CHRNA7: variants seen among roughly 807,000 people sequenced by gnomAD.
CHRNA7 encodes neuronal acetylcholine receptor subunit alpha-7.
A neutral mutation model predicts 48.0 loss-of-function variants in CHRNA7; 17 were observed. That is an observed-to-expected ratio of 0.35 (90% CI 0.24 to 0.53). CHRNA7 has a LOEUF of 0.53. Ranked by LOEUF, CHRNA7 falls within the 20% of genes least tolerant of loss-of-function variation. CHRNA7 has a pLI of 0.92. For synonymous variants in CHRNA7, 75 were observed against 242.3 expected, an observed-to-expected ratio of 0.31 and a Z score of 6.41; for missense variants, 155 against 577.7, an observed-to-expected ratio of 0.27 and a Z score of 7.50.
Position 32,095,976 on chromosome 15 carries a change from G to GT in CHRNA7, c.196-5327_196-5326insT, listed in dbSNP as rs1212641866. ...ACTTAGCTGTGTGACCTAGGGCCAGGAGCTTGTTTGTTTCATAATTGATAT... is the reference window on the plus strand; with the variant it reads ...ACTTAGCTGTGTGACCTAGGGCCAGGTAGCTTGTTTGTTTCATAATTGATAT... On this transcript the variant is annotated intron_variant, in intron 2 of 9. Coordinates refer to ENST00000306901, the MANE Select transcript of CHRNA7 (RefSeq NM_000746.6). Among the ~76,000 whole-genome samples the GT allele has an allele frequency of 9.2e-5, 14 of 152,262 alleles. No individual in the cohort carries two copies. The East Asian group carries it at 2.5e-3, about 27-fold the overall frequency.
chr15:32,100,817 A>C (rs548813463), intron 2 of CHRNA7: 1 of 158,116 alleles, frequency 6.3e-6, no homozygotes, highest in South Asian at 2.0e-4. Context: ...TCATGGCACC[A>C]CTCACACAGG....
At chr15:32,057,909 A>G (rs1464341731) in intron 2 of CHRNA7, among the ~76,000 whole-genome samples, 1 of 152,334 alleles carries the variant, frequency 6.6e-6, no homozygotes, top group African/African-American at 2.4e-5. Context: ...CATGTAAGTC[A>G]GGTAAATTTC....
chr15:32,124,000 G>T (rs890496628), intron 4 of CHRNA7, among the ~76,000 whole-genome samples: 5 of 116,944 alleles, frequency 4.3e-5, no homozygotes, highest in African/African-American at 1.6e-4. Flanking sequence ...CAAAAAACCA[G>T]AAAACAAACC....
chr15:32,092,764 C>T (rs936040762), intron 2 of CHRNA7, among the ~76,000 whole-genome samples: 1 of 152,186 alleles, frequency 6.6e-6, no homozygotes, highest in Non-Finnish European at 1.5e-5. Context: ...CTCCTAACTT[C>T]CATTCATTCA....
intron 2 of CHRNA7, among the ~76,000 whole-genome samples, chr15:32,081,744 A>G (rs1009450912): frequency 6.6e-6 from 1 of 152,308 alleles, no homozygotes; most frequent in Non-Finnish European, 1.5e-5. Flanking sequence ...ACCAACAAAC[A>G]TAACTTAGAA....
At chr15:32,055,166 T>A (rs1277613071) in intron 2 of CHRNA7, among the ~76,000 whole-genome samples, 5 of 152,224 alleles carry the variant, frequency 3.3e-5, no homozygotes, top group Non-Finnish European at 7.3e-5. Flanking sequence ...CATTTTTTTA[T>A]TTTCCATTTT....
At chr15:32,116,879 C>A (rs1451900776) in intron 4 of CHRNA7, among the ~76,000 whole-genome samples, 1 of 152,218 alleles carries the variant, frequency 6.6e-6, no homozygotes, top group Non-Finnish European at 1.5e-5. Context: ...GTGTGCAAAG[C>A]TGCATTTGTC....
intron 4 of CHRNA7, among the ~76,000 whole-genome samples, chr15:32,148,293 C>A (rs1043873373): frequency 2.0e-5 from 3 of 152,150 alleles, no homozygotes; most frequent in African/African-American, 7.2e-5. Flanking sequence ...TCTTGCTGGA[C>A]TTCTTTGATG....
intron 2 of CHRNA7, among the ~76,000 whole-genome samples, chr15:32,053,831 G>A (rs1566806669): frequency 6.6e-6 from 1 of 152,348 alleles, no homozygotes; most frequent in Non-Finnish European, 1.5e-5. Context: ...AGGCCTGGAT[G>A]TGTGGCTGAC....
intron 2 of CHRNA7, among the ~76,000 whole-genome samples, chr15:32,079,594 T>C (rs1200408104): frequency 1.3e-5 from 2 of 151,968 alleles, no homozygotes; most frequent in Non-Finnish European, 2.9e-5. Context: ...ACAAGGGAAG[T>C]GAAGGACCTC....
chr15:32,083,965 C>T (rs573860867), intron 2 of CHRNA7, among the ~76,000 whole-genome samples: 1 of 152,214 alleles, frequency 6.6e-6, no homozygotes, highest in East Asian at 1.9e-4. Context: ...CACTATTCAT[C>T]AGTATAAGCC....
intron 4 of CHRNA7, among the ~76,000 whole-genome samples, chr15:32,132,560 C>A (rs1468143697): frequency 6.6e-6 from 1 of 152,162 alleles, no homozygotes; most frequent in Non-Finnish European, 1.5e-5. Context: ...ATTCTGGGAG[C>A]TGAGAAGTTC....
rs1202840057 is a variant in CHRNA7, at chr15:32,170,368, C to T, written c.*1910C>T. 7.0e-6 allele frequency: 1 copy of T among 142,052 alleles called. No homozygotes were observed. Among genetic ancestry groups the T allele is most frequent in the Non-Finnish European group, 1.5e-5 (1 of 66,118 alleles). 8.8% of individuals were successfully genotyped at this position (142,052 alleles called of 1,614,324 possible). ...AGCCTCAGGCGGCTTGGAGCAGGAT[C>T]ATTCCTCAGCAGGCATTCCTTCCAC... On this transcript the variant is annotated 3_prime_UTR_variant, in exon 10 of 10. Transcript: ENST00000306901.
intron 3 of CHRNA7, among the ~76,000 whole-genome samples, chr15:32,110,379 G>T (rs2050743537): frequency 6.6e-6 from 1 of 152,156 alleles, no homozygotes; most frequent in Non-Finnish European, 1.5e-5. Flanking sequence ...TCTCATTAGA[G>T]ACCCCAGCAG....
intron 2 of CHRNA7, among the ~76,000 whole-genome samples, chr15:32,057,703 T>A (rs887393292): frequency 6.6e-6 from 1 of 152,232 alleles, no homozygotes; most frequent in African/African-American, 2.4e-5. Context: ...CTGAATCATT[T>A]AGGACAATAT....
chr15:32,040,598 A>ATGTG lies in CHRNA7; in HGVS notation c.195+9565_195+9568dup, dbSNP rs1332326333. Among the ~76,000 whole-genome samples, 698 of 92,212 alleles carry ATGTG rather than the reference A, an allele frequency of 7.6e-3. 2 individuals carry two copies. Among genetic ancestry groups the ATGTG allele is most frequent in the African/African-American group, 0.018 (657 of 36,680 alleles). 60.5% of individuals were successfully genotyped at this position (92,212 alleles called of 152,430 possible). ...ATAAGGTGCGTGTGTGTGTGTGTAT[A>ATGTG]TGTGTGTATGTGTGTGTGTGTATAT... On this transcript the variant is annotated intron_variant, in intron 2 of 9. Coordinates refer to ENST00000306901, the MANE Select transcript of CHRNA7 (RefSeq NM_000746.6).
At chr15:32,121,105 A>G (rs2050960992) in intron 4 of CHRNA7, among the ~76,000 whole-genome samples, 1 of 152,226 alleles carries the variant, frequency 6.6e-6, no homozygotes, top group African/African-American at 2.4e-5. Flanking sequence ...CCTCCCCAGC[A>G]TGCTAAGACC....
chr15:32,080,530 CAT>C (rs1218499333), intron 2 of CHRNA7, among the ~76,000 whole-genome samples: 17 of 152,128 alleles, frequency 1.1e-4, no homozygotes, highest in Admixed American at 2.6e-4. Context: ...GGGCAACAAA[CAT>C]ATGAAAAAAA....
At chr15:32,035,192 A>G (rs1043251945) in intron 2 of CHRNA7, among the ~76,000 whole-genome samples, 3 of 152,230 alleles carry the variant, frequency 2.0e-5, no homozygotes, top group Non-Finnish European at 4.4e-5. Context: ...GAGATAATAC[A>G]TAAGAAATCA....
Sources: allele counts gnomAD v4.1 joint callset (sites outside exome capture counted in the v4.1 genomes callset), GRCh38; gene constraint gnomAD v4.1.1; transcripts MANE v1.5; gene names NCBI Gene and HGNC (gene_info 2026-07-23, HGNC 2026-07-21).